EDA: variants seen among roughly 807,000 people sequenced by gnomAD.
EDA encodes the protein ectodysplasin-A.
Under a neutral mutation model 23.6 loss-of-function variants are expected in EDA, and 2 were observed. That is an observed-to-expected ratio of 0.08 (90% CI 0.03 to 0.27). The LOEUF (loss-of-function observed/expected upper bound fraction) is 0.27, where lower values mean the gene tolerates loss of function less well. Among genes scored for constraint, EDA ranks in the 10% least tolerant of loss-of-function variants. The pLI is 1.00. For missense variants in EDA, 229 were observed against 324.2 expected, an observed-to-expected ratio of 0.71 and a Z score of 2.26; for synonymous variants, 131 against 132.0, an observed-to-expected ratio of 0.99 and a Z score of 0.05.
At chrX:69,933,917 A>G (rs1194559809) in intron 1 of EDA, among the ~76,000 whole-genome samples, 2 of 112,718 alleles carry the variant, frequency 1.8e-5, no homozygotes, top group African/African-American at 6.4e-5. Context: ...ATAATTTTGA[A>G]GGCATTCCTC....
intron 2 of EDA, among the ~76,000 whole-genome samples, chrX:69,994,540 T>C (rs956708938): frequency 8.9e-6 from 1 of 112,198 alleles, no homozygotes; most frequent in African/African-American, 3.2e-5. Flanking sequence ...AGATCTGAGT[T>C]GAGGCCCAGA....
chrX:69,703,941 T>A (rs1035181574), intron 1 of EDA, among the ~76,000 whole-genome samples: 3 of 112,425 alleles, frequency 2.7e-5, no homozygotes, highest in African/African-American at 9.7e-5. Flanking sequence ...ATAAGCTAAA[T>A]CTTATCATAG....
At chrX:69,701,902 C>T (rs1467016370) in intron 1 of EDA, among the ~76,000 whole-genome samples, 1 of 111,010 alleles carries the variant, frequency 9.0e-6, no homozygotes, top group African/African-American at 3.3e-5. Flanking sequence ...TACCTCTGCG[C>T]CAGTAGGCTG....
chrX:70,012,039 T>C (rs1214094118), intron 2 of EDA, among the ~76,000 whole-genome samples: 1 of 111,431 alleles, frequency 9.0e-6, no homozygotes, highest in Non-Finnish European at 1.9e-5. Flanking sequence ...TATTGTCAGA[T>C]AGGCAAACTA....
intron 1 of EDA, among the ~76,000 whole-genome samples, chrX:69,636,023 A>C (rs760215788): frequency 9.1e-6 from 1 of 109,722 alleles, no homozygotes; most frequent in Non-Finnish European, 1.9e-5. Context: ...TTCTATGCTT[A>C]CTCCTGTCAC....
intron 1 of EDA, among the ~76,000 whole-genome samples, chrX:69,820,024 T>C (rs954715230): frequency 1.8e-5 from 2 of 110,675 alleles, no homozygotes; most frequent in Non-Finnish European, 3.8e-5. Context: ...CAAAACAGCA[T>C]GGTAGTGGTA....
chrX:69,853,480 G>C (rs892271862), intron 1 of EDA, among the ~76,000 whole-genome samples: 1 of 111,189 alleles, frequency 9.0e-6, no homozygotes, highest in African/African-American at 3.3e-5. Context: ...TATTTAAAGA[G>C]AGGATGACTG....
intron 1 of EDA, among the ~76,000 whole-genome samples, chrX:69,813,283 T>A (rs2016003588): frequency 8.9e-6 from 1 of 111,744 alleles, no homozygotes; most frequent in African/African-American, 3.3e-5. Context: ...ACCTAACTAT[T>A]GAGTGAGTCA....
At position 69,949,654 on chromosome X, in the gene EDA, A is replaced by G. The variant is rs1330295476; in HGVS notation, c.397-7373A>G. Among the ~76,000 whole-genome samples the G allele has an allele frequency of 1.2e-4, 13 of 111,399 alleles. No individual in the cohort carries two copies. In the South Asian group the frequency reaches 1.9e-3, roughly 16 times the overall value. On this transcript the variant is annotated intron_variant, in intron 1 of 7. Transcript: ENST00000374552. ...TGATGGATCTCAAAAACTAGGCCCA[A>G]TTAGAGTCAAAAAAAAATCTTGGCT... is the stretch of plus-strand genomic sequence containing the variant.
chrX:69,725,948 A>G (rs1299527286), intron 1 of EDA, among the ~76,000 whole-genome samples: 3 of 112,046 alleles, frequency 2.7e-5, no homozygotes, highest in Non-Finnish European at 5.6e-5. Context: ...TTTCCAGTGT[A>G]AGTGATATGG....
rs1369410398 is a variant in EDA at position 69,749,915 on chromosome X, T to G, written c.396+133211T>G. ...AAACTTTTTAGAAACTTCCTCTCAC[T>G]AAGGTTCTTTTTTTTTTTTTTTTTT... On this transcript the variant is annotated intron_variant, in intron 1 of 7. Coordinates refer to ENST00000374552, the MANE Select transcript of EDA (RefSeq NM_001399.5). 2.3e-4 allele frequency among the ~76,000 whole-genome samples: 18 copies of G among 78,940 alleles called. 1 individual carries two copies. In the East Asian group the frequency reaches 7.5e-3, roughly 33 times the overall value. 68.5% of individuals were successfully genotyped at this position (78,940 alleles called of 115,157 possible).
At chrX:69,875,477 C>CA (rs2017629014) in intron 1 of EDA, among the ~76,000 whole-genome samples, 1 of 111,750 alleles carries the variant, frequency 8.9e-6, no homozygotes, top group Non-Finnish European at 1.9e-5. Context: ...TACAAAAAAT[C>CA]AACTCAAGAT....
At chrX:69,943,200 A>T (rs184251662) in intron 1 of EDA, among the ~76,000 whole-genome samples, 99 of 111,555 alleles carry the variant, frequency 8.9e-4, no homozygotes, top group African/African-American at 3.0e-3. Flanking sequence ...CCAATGCCTT[A>T]TTTAGTTCAT....
At chrX:69,727,154 T>A (rs984432745) in intron 1 of EDA, among the ~76,000 whole-genome samples, 5 of 111,527 alleles carry the variant, frequency 4.5e-5, no homozygotes, top group Admixed American at 3.8e-4. Flanking sequence ...AGTTCGGCTG[T>A]CCGCAGTGAA....
intron 1 of EDA, among the ~76,000 whole-genome samples, chrX:69,829,952 T>C (rs2016565760): frequency 8.9e-6 from 1 of 112,175 alleles, no homozygotes; most frequent in Non-Finnish European, 1.9e-5. Context: ...CCCTGTGTTA[T>C]AGTTTGCCAT....
intron 1 of EDA, among the ~76,000 whole-genome samples, chrX:69,825,780 A>G (rs79058708): frequency 0.26 from 28,368 of 109,429 alleles, 2,795 homozygotes; most frequent in African/African-American, 0.31. Context: ...AGTTCCTTTA[A>G]TTGTGATGTT....
intron 1 of EDA, among the ~76,000 whole-genome samples, chrX:69,751,620 A>G (rs2013872001): frequency 8.9e-6 from 1 of 111,766 alleles, no homozygotes; most frequent in African/African-American, 3.3e-5. Context: ...CTTGGACAGT[A>G]TGGCCATTTT....
intron 1 of EDA, among the ~76,000 whole-genome samples, chrX:69,843,613 A>C (rs917815030): frequency 2.7e-5 from 3 of 111,205 alleles, no homozygotes; most frequent in Non-Finnish European, 3.8e-5. Flanking sequence ...TTAGCTGGGT[A>C]ACTCAGTTGC....
rs1054894018 is a variant in EDA at position 69,656,767 on chromosome X, G to T, written c.396+40063G>T. 5.4e-5 allele frequency among the ~76,000 whole-genome samples: 6 copies of T among 111,588 alleles called. No individual in the cohort carries two copies. The Admixed American group carries it at 5.7e-4, about 11-fold the overall frequency. On this transcript the variant is annotated intron_variant, in intron 1 of 7. Transcript: ENST00000374552. Reference sequence around the variant, plus strand: ...ACGTGGTATTTGGTTTTCTGTTCCTGCATTAGTTTGCTTAGGATAATGGCC... The same window carrying T: ...ACGTGGTATTTGGTTTTCTGTTCCTTCATTAGTTTGCTTAGGATAATGGCC...
Sources: gnomAD v4.1 joint callset for allele counts (sites outside exome capture counted in the v4.1 genomes callset) on GRCh38, gnomAD v4.1.1 for gene constraint, MANE v1.5 for transcripts, NCBI Gene and HGNC (gene_info 2026-07-23, HGNC 2026-07-21) for gene names.